The following PCDHGA2 variants were observed in gnomAD, a reference collection of about 807,000 sequenced individuals.
PCDHGA2 encodes the protein protocadherin gamma-A2.
A neutral mutation model predicts 59.2 loss-of-function variants in PCDHGA2; 40 were observed. That is an observed-to-expected ratio of 0.68 (90% CI 0.52 to 0.88). The LOEUF (loss-of-function observed/expected upper bound fraction) is 0.88, where lower values mean the gene tolerates loss of function less well. Among genes scored for constraint, PCDHGA2 ranks in the 40% least tolerant of loss-of-function variants. The probability of loss-of-function intolerance (pLI) is 0.00; values close to 1 mark genes in which losing one functional copy is unlikely to be tolerated. For missense variants in PCDHGA2, 1,226 were observed against 1,204.0 expected, an observed-to-expected ratio of 1.02 and a Z score of -0.27; for synonymous variants, 560 against 526.0, an observed-to-expected ratio of 1.06 and a Z score of -0.89.
intron 1 of PCDHGA2, chr5:141,362,657 G>A (rs564342376): frequency 1.6e-5 from 23 of 1,396,834 alleles, no homozygotes; most frequent in Admixed American, 2.6e-5. Flanking sequence ...GTTAGATTTG[G>A]CCAATGTTGT....
chr5:141,413,366 C>T (rs1452603006), intron 1 of PCDHGA2: 2 of 1,613,958 alleles, frequency 1.2e-6, no homozygotes, highest in Middle Eastern at 1.7e-4. Flanking sequence ...CGGGAGCTGG[C>T]GGAGCGCGGA....
intron 1 of PCDHGA2, chr5:141,366,610 C>T (rs1157276449): frequency 1.9e-6 from 3 of 1,614,232 alleles, no homozygotes; most frequent in Non-Finnish European, 2.5e-6. Context: ...TCTCCCTCAC[C>T]GCGGACTCGA....
intron 1 of PCDHGA2, chr5:141,346,158 A>G: frequency 3.7e-6 from 6 of 1,613,952 alleles, no homozygotes; most frequent in Non-Finnish European, 5.1e-6. Context: ...GGCCTTCGTC[A>G]TCGTGCTGCT....
At chr5:141,357,307 G>T in intron 1 of PCDHGA2, 4 of 1,614,042 alleles carry the variant, frequency 2.5e-6, no homozygotes, top group Non-Finnish European at 3.4e-6. Flanking sequence ...TGTCTCCTGC[G>T]TCTTCCTGGC....
intron 1 of PCDHGA2, among the ~76,000 whole-genome samples, chr5:141,348,227 C>T (rs1758083997): frequency 6.6e-6 from 1 of 152,094 alleles, no homozygotes; most frequent in African/African-American, 2.4e-5. Context: ...TAGGAAAAGG[C>T]ACATTTAAAT....
chr5:141,394,184 C>G, intron 1 of PCDHGA2: 1 of 1,613,944 alleles, frequency 6.2e-7, no homozygotes, highest in Non-Finnish European at 8.5e-7. Context: ...ATGCCTCCTA[C>G]TCAGCGTATA....
intron 1 of PCDHGA2, chr5:141,405,447 T>C (rs2094668355): frequency 7.5e-7 from 1 of 1,339,134 alleles, no homozygotes; most frequent in South Asian, 1.3e-5. Flanking sequence ...TGAGACAGAG[T>C]CTTACTCTGT....
intron 1 of PCDHGA2, chr5:141,352,508 C>T (rs774085547): frequency 1.2e-6 from 2 of 1,614,022 alleles, no homozygotes; most frequent in Non-Finnish European, 8.5e-7. Flanking sequence ...TTCCTACAAT[C>T]TATGTATTGC....
At chr5:141,418,349 A>G in intron 1 of PCDHGA2, 1 of 1,614,016 alleles carries the variant, frequency 6.2e-7, no homozygotes, top group South Asian at 1.1e-5. Context: ...TGATATTAGT[A>G]TGAATTCGCT....
chr5:141,411,910 C>T (rs1248743908), intron 1 of PCDHGA2: 2 of 152,164 alleles, frequency 1.3e-5, no homozygotes, highest in East Asian at 1.9e-4. Context: ...TGCCTTTGCA[C>T]TCAGTCTCTG....
At chr5:141,492,008 G>A (rs1201433644) in intron 1 of PCDHGA2, 21 of 616,588 alleles carry the variant, frequency 3.4e-5, no homozygotes, top group Admixed American at 2.9e-4. Flanking sequence ...CGATTTCCGC[G>A]GGTGTCGGGG....
In PCDHGA2 at chr5:141,370,422, C is replaced by A. The variant is rs780716652; in HGVS notation, c.2424+29027C>A. 1.9e-6 allele frequency: 3 copies of A among 1,581,408 alleles called. No homozygotes were observed. The South Asian group carries it at 3.5e-5, about 18-fold the overall frequency. ...GGGAAATAGCTCCGGATGGAGGGGC[C>A]CAGCAGGGCAGAGGCGAATGCTATT... On this transcript the variant is annotated intron_variant, in intron 1 of 3. Transcript: ENST00000394576.
intron 1 of PCDHGA2, chr5:141,370,747 A>G (rs780618979): frequency 1.2e-5 from 19 of 1,613,952 alleles, no homozygotes; most frequent in Middle Eastern, 3.3e-4. Context: ...AACTTTTTTC[A>G]TGTAACTGTG....
intron 1 of PCDHGA2, chr5:141,400,578 T>C: frequency 6.2e-7 from 1 of 1,610,934 alleles, no homozygotes; most frequent in Non-Finnish European, 8.5e-7. Context: ...TTTCTGTATT[T>C]ACATGAAACT....
intron 1 of PCDHGA2, among the ~76,000 whole-genome samples, chr5:141,462,125 A>AT (rs1561991410): frequency 6.6e-6 from 1 of 151,688 alleles, no homozygotes; most frequent in African/African-American, 2.4e-5. Context: ...ACCCAGTCCA[A>AT]TTTTTTGTAT....
At chr5:141,436,239 G>T (rs1426798903) in intron 1 of PCDHGA2, among the ~76,000 whole-genome samples, 2 of 152,012 alleles carry the variant, frequency 1.3e-5, no homozygotes, top group South Asian at 2.1e-4. Flanking sequence ...AAGCTAACAT[G>T]GTCTAATTAT....
At position 141,341,408 on chromosome 5, in the gene PCDHGA2, T is replaced by C. The variant is rs764232497; in HGVS notation, c.2424+13T>C. On this transcript the variant is annotated intron_variant, in intron 1 of 3. Coordinates refer to ENST00000394576, the MANE Select transcript of PCDHGA2 (RefSeq NM_018915.4). ...AACGTTTTCTCAGGTAATCTATCTT[T>C]TCACAACATACGTACTAGCTAGTTT... The C allele has an allele frequency of 1.2e-6, 2 of 1,614,172 alleles. No homozygotes were observed. The highest frequency in any genetic ancestry group is 2.2e-5 in the South Asian group (2 of 91,092).
chr5:141,400,235 T>G, intron 1 of PCDHGA2: 4 of 1,614,006 alleles, frequency 2.5e-6, no homozygotes, highest in Non-Finnish European at 3.4e-6. Context: ...CTCCTGGCCG[T>G]GATTCTGGCC....
intron 1 of PCDHGA2, chr5:141,421,333 G>A (rs1458277535): frequency 2.5e-6 from 4 of 1,613,850 alleles, no homozygotes; most frequent in Admixed American, 1.7e-5. Flanking sequence ...CCGATATTCG[G>A]TGCCAGAAGA....
Sources: allele counts gnomAD v4.1 joint callset (sites outside exome capture counted in the v4.1 genomes callset), GRCh38; gene constraint gnomAD v4.1.1; transcripts MANE v1.5; gene names NCBI Gene and HGNC (gene_info 2026-07-23, HGNC 2026-07-21).